GGPS1: variants seen among roughly 807,000 people sequenced by gnomAD.
GGPS1 encodes geranylgeranyl diphosphate synthase 1.
Under a neutral mutation model 28.1 loss-of-function variants are expected in GGPS1, and 15 were observed. That is an observed-to-expected ratio of 0.53 (90% CI 0.36 to 0.82). The LOEUF is 0.82. Ranked by LOEUF, GGPS1 falls within the 40% of genes least tolerant of loss-of-function variation. The pLI, the probability that GGPS1 is intolerant of heterozygous loss-of-function variation, is 0.01. For synonymous variants in GGPS1, 138 were observed against 122.4 expected (o/e 1.13, Z -0.84); for missense variants, 284 against 348.3 (o/e 0.82, Z 1.47).
Position 235,342,814 on chromosome 1 carries a change from T to G in GGPS1, c.*42T>G. ...ATTGGACCTCATAGCTTATTTTAGT[T>G]AATCTTTTTTTTGTCTTTTAGCCTT... On this transcript the variant is annotated 3_prime_UTR_variant, in exon 4 of 4. Coordinates refer to ENST00000282841, the MANE Select transcript of GGPS1 (RefSeq NM_004837.4). 7.2e-7 allele frequency: 1 copy of G among 1,388,928 alleles called. No individual in the cohort carries two copies. The highest frequency in any genetic ancestry group is 1.4e-5 in the African/African-American group (1 of 69,256). 86.0% of individuals were successfully genotyped at this position (1,388,928 alleles called of 1,614,324 possible). A position where few individuals can be genotyped will look rare whatever the true frequency, so the allele number is the denominator to read the frequency against.
chr1:235,335,152 C>T (rs1471246255), intron 1 of GGPS1, 90 bp from the exon 2 acceptor site: 5 of 631,826 alleles, frequency 7.9e-6, no homozygotes, highest in South Asian at 1.9e-5. Flanking sequence ...GGTGTCTTTT[C>T]ACAAACACCC....
intron 2 of GGPS1, among the ~76,000 whole-genome samples, chr1:235,335,546 C>G (rs1353227614): frequency 6.6e-6 from 1 of 151,990 alleles, no homozygotes; most frequent in Non-Finnish European, 1.5e-5. Flanking sequence ...GTTGTCCCAC[C>G]TACTTGGGAG....
At chr1:235,332,512 G>C (rs183463234) in intron 1 of GGPS1, among the ~76,000 whole-genome samples, 2 of 152,248 alleles carry the variant, frequency 1.3e-5, no homozygotes, top group African/African-American at 4.8e-5. Context: ...ATTGTGAATA[G>C]TGCTGTAATA....
At chr1:235,340,128 G>T (rs968522158) in intron 2 of GGPS1, among the ~76,000 whole-genome samples, 2 of 152,078 alleles carry the variant, frequency 1.3e-5, no homozygotes, top group Non-Finnish European at 2.9e-5. Context: ...ATGAGACTCC[G>T]TCTCAAAAAC....
intron 2 of GGPS1, among the ~76,000 whole-genome samples, chr1:235,337,811 T>C (rs1443118802): frequency 1.3e-5 from 2 of 148,732 alleles, no homozygotes; most frequent in African/African-American, 5.1e-5. Flanking sequence ...AGTGAGACAC[T>C]GTCTCAAAAA....
At position 235,328,604 on chromosome 1, in the gene GGPS1, C is replaced by G. The variant is rs949932122; in HGVS notation, c.-198C>G. The G allele has an allele frequency of 6.5e-6, 1 of 153,118 alleles. No homozygotes were observed. The highest frequency in any genetic ancestry group is 1.9e-4 in the East Asian group (1 of 5,212). 9.5% of individuals were successfully genotyped at this position (153,118 alleles called of 1,614,324 possible). A position where few individuals can be genotyped will look rare whatever the true frequency, so the allele number is the denominator to read the frequency against. On this transcript the variant is annotated 5_prime_UTR_variant, in exon 1 of 4. Transcript: ENST00000282841. ...GGGATGGCGCATTTTCTTGCACCAA[C>G]TAATGCGGTGTCGCTGGCGGCTGAG...
chr1:235,335,471 A>C, intron 2 of GGPS1, 137 bp downstream of exon 2: 1 of 518,236 alleles, frequency 1.9e-6, no homozygotes, highest in Non-Finnish European at 3.4e-6. Flanking sequence ...AAAAATGATA[A>C]ATAGAACATT....
chr1:235,342,606 A>G lies in GGPS1; in HGVS notation c.737A>G (p.Tyr246Cys). The change falls in exon 4 of 4, where the codon TAC becomes TGC. Residue 246 changes from tyrosine (Y) to cysteine (C), a missense_variant. Coordinates refer to ENST00000282841, the MANE Select transcript of GGPS1 (RefSeq NM_004837.4). The stretch of plus-strand genomic sequence containing the variant: ...ACAGAAAACATAGATATAAAAAAAT[A>G]CTGTGTACATTATCTTGAGGATGTA... ...QRTENIDIKK[Y>C]CVHYLEDVGS... 6.2e-7 allele frequency: 1 copy of G among 1,611,652 alleles called. No individual in the cohort carries two copies. Among genetic ancestry groups the G allele is most frequent in the Non-Finnish European group, 8.5e-7 (1 of 1,177,712 alleles).
In GGPS1 at chr1:235,344,127, T is replaced by C. The variant is rs964267927; in HGVS notation, c.*1355T>C. The C allele has an allele frequency of 6.5e-6, 1 of 154,044 alleles. No individual in the cohort carries two copies. The highest frequency in any genetic ancestry group is 1.5e-5 in the Non-Finnish European group (1 of 66,498). The allele number at this position is 154,044 out of a possible 1,614,324, so 9.5% of individuals were successfully genotyped here. A position where few individuals can be genotyped will look rare whatever the true frequency, so the allele number is the denominator to read the frequency against. The stretch of plus-strand genomic sequence containing the variant: ...AGTTTCTACACCCAAGCCACTGAAG[T>C]CATCTGTGGCCCAAGAGGTAGGACA... On this transcript the variant is annotated 3_prime_UTR_variant, in exon 4 of 4. Coordinates refer to ENST00000282841, the MANE Select transcript of GGPS1 (RefSeq NM_004837.4).
chr1:235,335,897 ATGTC>A (rs1360475974), intron 2 of GGPS1, among the ~76,000 whole-genome samples: 5 of 152,148 alleles, frequency 3.3e-5, no homozygotes, highest in Non-Finnish European at 7.4e-5. Context: ...TTTACCTTCT[ATGTC>A]TGTATTTTCC....
At chr1:235,332,783 A>G (rs1413210091) in intron 1 of GGPS1, among the ~76,000 whole-genome samples, 1 of 152,218 alleles carries the variant, frequency 6.6e-6, no homozygotes, top group Non-Finnish European at 1.5e-5. Context: ...CCCTGAGAGT[A>G]TCAATGATCA....
intron 2 of GGPS1, chr1:235,336,754 CTT>C (rs1414656942): frequency 2.6e-5 from 4 of 152,224 alleles, no homozygotes; most frequent in Non-Finnish European, 2.9e-5. Flanking sequence ...TCAATAGACA[CTT>C]TTAAATTTCC....
chr1:235,335,475 G>T, intron 2 of GGPS1, 141 bp downstream of exon 2: 1 of 511,982 alleles, frequency 2.0e-6, no homozygotes, highest in Non-Finnish European at 3.5e-6. Flanking sequence ...ATGATAAATA[G>T]AACATTATAA....
rs564115709 is a variant in GGPS1, at chr1:235,340,693, G to A, written c.71-1015G>A. Among the ~76,000 whole-genome samples, 22 of 115,398 alleles carry A rather than the reference G, an allele frequency of 1.9e-4. No individual in the cohort carries two copies. The South Asian group carries it at 6.8e-3, about 36-fold the overall frequency. 75.7% of individuals were successfully genotyped at this position (115,398 alleles called of 152,430 possible). ...GGAGCTTGCAGTGAGCCGAGATCGCGCCACTGCACTCCAGCCTGGGCGACA... is the reference window on the plus strand; with the variant it reads ...GGAGCTTGCAGTGAGCCGAGATCGCACCACTGCACTCCAGCCTGGGCGACA... On this transcript the variant is annotated intron_variant, in intron 2 of 3. Coordinates refer to ENST00000282841, the MANE Select transcript of GGPS1 (RefSeq NM_004837.4).
In GGPS1 at chr1:235,344,327, G is replaced by GAA. The variant is rs1676141497; in HGVS notation, c.*1558_*1559dup. 1.2e-5 allele frequency: 2 copies of GAA among 166,938 alleles called. No individual in the cohort carries two copies. The highest frequency in any genetic ancestry group is 4.1e-4 in the South Asian group (2 of 4,826). The allele number at this position is 166,938 out of a possible 1,614,324, so 10.3% of individuals were successfully genotyped here. A position where few individuals can be genotyped will look rare whatever the true frequency, so the allele number is the denominator to read the frequency against. On this transcript the variant is annotated 3_prime_UTR_variant, in exon 4 of 4. Transcript: ENST00000282841. ...ACCCAAGCATTCAACCTAAATCTTT[G>GAA]AAAAGTTGGGTGCTGTCTTTAGTAA...
intron 2 of GGPS1, among the ~76,000 whole-genome samples, chr1:235,338,740 A>G (rs373195075): frequency 6.6e-6 from 1 of 151,878 alleles, no homozygotes; most frequent in East Asian, 1.9e-4. Context: ...AAAATTAGCC[A>G]GGCATGGTGG....
chr1:235,330,182 A>G (rs1367908166), intron 1 of GGPS1: 2 of 151,990 alleles, frequency 1.3e-5, no homozygotes, highest in Non-Finnish European at 2.9e-5. Flanking sequence ...AATCCTTTAG[A>G]CTCTTAAGAA....
intron 2 of GGPS1, among the ~76,000 whole-genome samples, chr1:235,339,033 C>T (rs1376784519): frequency 1.3e-5 from 2 of 151,992 alleles, no homozygotes; most frequent in African/African-American, 4.8e-5. Flanking sequence ...GGCGCGGTAG[C>T]TCACGCATGT....
intron 1 of GGPS1, chr1:235,329,813 A>G (rs1675639248): frequency 6.6e-6 from 1 of 152,244 alleles, no homozygotes; most frequent in Non-Finnish European, 1.5e-5. Flanking sequence ...GAAGCGAAAA[A>G]AAGAAGAGTT....
Sources: allele counts gnomAD v4.1 joint callset (sites outside exome capture counted in the v4.1 genomes callset), GRCh38; gene constraint gnomAD v4.1.1; transcripts MANE v1.5; gene names NCBI Gene and HGNC (gene_info 2026-07-23, HGNC 2026-07-21).